The following CNOT1 variants were observed in gnomAD, a reference collection of about 807,000 sequenced individuals.
CNOT1 encodes CCR4-associated factor 1.
Under a neutral mutation model 273.8 loss-of-function variants are expected in CNOT1, and 15 were observed. That is an observed-to-expected ratio of 0.05 (90% CI 0.04 to 0.08). The LOEUF (loss-of-function observed/expected upper bound fraction) is 0.08. Ranked by LOEUF, CNOT1 falls within the 10% of genes least tolerant of loss-of-function variation. The pLI is 1.00. For synonymous variants in CNOT1, 1,022 were observed against 1,005.5 expected, an observed-to-expected ratio of 1.02 and a Z score of -0.31; for missense variants, 1,644 against 2,912.2, an observed-to-expected ratio of 0.56 and a Z score of 10.02.
intron 16 of CNOT1, among the ~76,000 whole-genome samples, chr16:58,566,708 CCAGA>C (rs1269519380): frequency 2.0e-5 from 3 of 152,090 alleles, no homozygotes; most frequent in African/African-American, 7.2e-5. Flanking sequence ...CTCTTGTTGC[CCAGA>C]CAGAGTGCAA....
intron 1 of CNOT1, among the ~76,000 whole-genome samples, chr16:58,620,640 ACT>A (rs2043273932): frequency 7.8e-6 from 1 of 127,482 alleles, no homozygotes; most frequent in Non-Finnish European, 1.6e-5. Context: ...CACAGCGAAG[ACT>A]CTGTCTCATT....
At chr16:58,531,127 G>A (rs1057010345) in intron 42 of CNOT1, among the ~76,000 whole-genome samples, 3 of 152,136 alleles carry the variant, frequency 2.0e-5, no homozygotes, top group African/African-American at 7.2e-5. Flanking sequence ...ATGTCAGCCT[G>A]CTCACCCTCC....
intron 1 of CNOT1, among the ~76,000 whole-genome samples, chr16:58,621,027 TTC>T (rs2043291793): frequency 6.6e-6 from 1 of 151,996 alleles, no homozygotes; most frequent in Non-Finnish European, 1.5e-5. Context: ...CTTTTTTTTT[TTC>T]TTTTTTTTGA....
intron 16 of CNOT1, among the ~76,000 whole-genome samples, chr16:58,571,769 G>A (rs971614895): frequency 6.6e-6 from 1 of 152,150 alleles, no homozygotes; most frequent in African/African-American, 2.4e-5. Context: ...CTTGAGGTCA[G>A]GAGTTTGAGA....
intron 16 of CNOT1, among the ~76,000 whole-genome samples, chr16:58,561,102 T>C (rs971974630): frequency 2.6e-5 from 4 of 152,098 alleles, no homozygotes; most frequent in Admixed American, 6.5e-5. Context: ...GGAGGACTGA[T>C]AGAGCCCAGG....
intron 47 of CNOT1, among the ~76,000 whole-genome samples, chr16:58,522,602 T>TA (rs1419710809): frequency 2.0e-5 from 3 of 152,208 alleles, no homozygotes; most frequent in Non-Finnish European, 2.9e-5. Context: ...ATATGTAGTC[T>TA]AGGCAATCTG....
chr16:58,562,382 T>G (rs923499131), intron 16 of CNOT1, among the ~76,000 whole-genome samples: 2 of 151,908 alleles, frequency 1.3e-5, no homozygotes, highest in African/African-American at 4.8e-5. Flanking sequence ...CACATGCCTG[T>G]AGTCATAACT....
intron 31 of CNOT1, chr16:58,543,404 T>TA: frequency 6.8e-7 from 1 of 1,479,738 alleles, no homozygotes; most frequent in Non-Finnish European, 8.9e-7. Flanking sequence ...GTGTTGAGAA[T>TA]ATAACAGAAA....
At chr16:58,577,644 G>A (rs2041504893) in intron 13 of CNOT1, among the ~76,000 whole-genome samples, 1 of 152,066 alleles carries the variant, frequency 6.6e-6, no homozygotes, top group Admixed American at 6.6e-5. Flanking sequence ...TAGGATATTA[G>A]CTTGGGAAAC....
intron 1 of CNOT1, among the ~76,000 whole-genome samples, chr16:58,617,454 G>T (rs547041801): frequency 6.6e-6 from 1 of 151,822 alleles, no homozygotes; most frequent in Non-Finnish European, 1.5e-5. Flanking sequence ...TCCAAAGTTC[G>T]AAAGACTCCA....
chr16:58,531,203 C>T (rs1270151340), intron 42 of CNOT1, among the ~76,000 whole-genome samples: 2 of 152,124 alleles, frequency 1.3e-5, no homozygotes, highest in Non-Finnish European at 2.9e-5. Flanking sequence ...GTGTTCCTTC[C>T]TCCTAGAATG....
intron 46 of CNOT1, among the ~76,000 whole-genome samples, chr16:58,524,041 G>A (rs934710793): frequency 1.3e-5 from 2 of 151,858 alleles, no homozygotes; most frequent in South Asian, 2.1e-4. Flanking sequence ...TGAGGTCAGG[G>A]GTTCAAGACC....
chr16:58,543,480 T>C (rs2040160977), intron 31 of CNOT1, 127 bp downstream of exon 31: 1 of 1,517,694 alleles, frequency 6.6e-7, no homozygotes, highest in Non-Finnish European at 8.8e-7. Flanking sequence ...ATGGAAGACA[T>C]CAAACAAATA....
At chr16:58,596,545 G>A (rs1014421157) in intron 2 of CNOT1, among the ~76,000 whole-genome samples, 1 of 152,012 alleles carries the variant, frequency 6.6e-6, no homozygotes, top group African/African-American at 2.4e-5. Context: ...GTGGTGGTGA[G>A]GGCAAGGTGT....
At chr16:58,620,041 G>A (rs566066558) in intron 1 of CNOT1, among the ~76,000 whole-genome samples, 1 of 152,002 alleles carries the variant, frequency 6.6e-6, no homozygotes, top group African/African-American at 2.4e-5. Context: ...GCTCATTCAA[G>A]CAGTATGAAA....
intron 1 of CNOT1, among the ~76,000 whole-genome samples, chr16:58,622,137 C>A (rs1427453101): frequency 2.0e-5 from 3 of 151,174 alleles, no homozygotes; most frequent in East Asian, 2.0e-4. Context: ...ACGGTGAAAC[C>A]CCGTCTCTAC....
intron 2 of CNOT1, among the ~76,000 whole-genome samples, chr16:58,596,703 CG>C (rs1448585369): frequency 2.6e-5 from 4 of 151,696 alleles, no homozygotes; most frequent in South Asian, 4.2e-4. Flanking sequence ...CTGGCTAACA[CG>C]ATGAAACCCC....
intron 2 of CNOT1, 110 bp downstream of exon 2, chr16:58,599,126 G>A (rs1413678688): frequency 2.8e-6 from 4 of 1,417,172 alleles, no homozygotes; most frequent in African/African-American, 1.4e-5. Context: ...TTGAATTAAG[G>A]GGCAAAAGTT....
chr16:58,562,214 G>A (rs2040875087), intron 16 of CNOT1, among the ~76,000 whole-genome samples: 1 of 151,030 alleles, frequency 6.6e-6, no homozygotes, highest in South Asian at 2.1e-4. Flanking sequence ...CTACATGGTA[G>A]CTGGGAGGTG....
Sources: allele counts gnomAD v4.1 joint callset (sites outside exome capture counted in the v4.1 genomes callset), GRCh38; gene constraint gnomAD v4.1.1; transcripts MANE v1.5; gene names NCBI Gene and HGNC (gene_info 2026-07-23, HGNC 2026-07-21).